Variants in FUT8 observed in about 807,000 individuals in gnomAD.
FUT8 encodes the protein fucosyltransferase 8, also known as alpha-(1,6)-fucosyltransferase.
FUT8 carries 29 observed loss-of-function variants against 71.3 expected under a neutral mutation model. The observed-to-expected ratio is 0.41, with a 90% CI of 0.30 to 0.55. The LOEUF is 0.55. Ranked by LOEUF, FUT8 falls within the 20% of genes least tolerant of loss-of-function variation. The pLI, the probability that FUT8 is intolerant of heterozygous loss-of-function variation, is 0.34. For synonymous variants in FUT8, 254 were observed against 239.3 expected (o/e 1.06, Z -0.57); for missense variants, 544 against 702.1 (o/e 0.77, Z 2.55).
chr14:65,370,856 G>A, the FUT8 span, among the ~76,000 whole-genome samples: 1 of 152,166 alleles, frequency 6.6e-6, no homozygotes, highest in South Asian at 2.1e-4. Context: ...AAAGTGGGTG[G>A]CTAAAACTTG....
Position 65,669,480 on chromosome 14 carries a change from G to T in FUT8, c.835G>T (p.Gly279Cys). ...TGGCATCTCCACTGGACACTGGTCA[G>T]GTAAGGAGCTTGTGCAGCATATGAG... ...RSGISTGHWS[G>C]EVKDKNVQVV... The change falls in exon 7 of 11, where the codon GGT becomes TGT. Residue 279 changes from glycine to cysteine, a missense_variant and splice_region_variant. Gly to Cys is a radical substitution (Grantham distance 159, BLOSUM62 -3). Coordinates refer to ENST00000673929, the MANE Select transcript of FUT8 (RefSeq NM_001371533.1). This position sits in a 1 kb window ranked among gnomAD's most constrained non-coding sequence, Gnocchi z 4.5. 1 of 1,604,326 alleles carries T rather than the reference G, an allele frequency of 6.2e-7. No individual in the cohort carries two copies.
the FUT8 span, among the ~76,000 whole-genome samples, chr14:65,389,521 C>T: frequency 1.3e-5 from 2 of 152,192 alleles, no homozygotes; most frequent in African/African-American, 4.8e-5. Flanking sequence ...CCATATTGGC[C>T]AGGCTGGTCT....
In FUT8 at chr14:65,643,465, T is replaced by C. The variant is rs1397563617; in HGVS notation, c.597+13859T>C. Among the ~76,000 whole-genome samples the C allele has an allele frequency of 2.0e-5, 3 of 151,994 alleles. No individual in the cohort carries two copies. Among genetic ancestry groups the C allele is most frequent in the Non-Finnish European group, 2.9e-5 (2 of 67,970 alleles). ...GTCAGGAGATCGAGACCATCCTGGC[T>C]AACATGGTGAAACCCTGTCTCTACT... On this transcript the variant is annotated intron_variant, in intron 6 of 10. Coordinates refer to ENST00000673929, the MANE Select transcript of FUT8 (RefSeq NM_001371533.1). This position sits in a 1 kb window ranked among gnomAD's most constrained non-coding sequence, Gnocchi z 4.5.
chr14:65,528,100 G>A (rs987133523), intron 2 of FUT8, among the ~76,000 whole-genome samples: 1 of 152,244 alleles, frequency 6.6e-6, no homozygotes, highest in African/African-American at 2.4e-5. Flanking sequence ...ATTTAAATCT[G>A]CAGAAGTTTC....
chr14:65,680,874 C>T (rs2140407784), intron 7 of FUT8, among the ~76,000 whole-genome samples: 1 of 152,272 alleles, frequency 6.6e-6, no homozygotes, highest in Admixed American at 6.5e-5. Flanking sequence ...ATATAAGCTC[C>T]TTCACATAAA....
intron 1 of FUT8, among the ~76,000 whole-genome samples, chr14:65,431,249 T>G (rs4456409): frequency 2.1e-5 from 3 of 143,680 alleles, no homozygotes; most frequent in Non-Finnish European, 4.5e-5. Context: ...TGATCCACCC[T>G]CCTCGGCCTC....
chr14:65,551,060 T>A (rs1473145211), intron 2 of FUT8, among the ~76,000 whole-genome samples: 2 of 152,200 alleles, frequency 1.3e-5, no homozygotes, highest in East Asian at 3.8e-4. Flanking sequence ...TTGCATAGGG[T>A]ACACATATTT....
chr14:65,611,261 A>ACCCCAAGTAATAGCCTTGATTTTG lies in FUT8; in HGVS notation c.204-4716_204-4715insCCCAAGTAATAGCCTTGATTTTGC, dbSNP rs1566851254. The stretch of plus-strand genomic sequence containing the variant: ...CACACACACACACACACACACACAC[A>ACCCCAAGTAATAGCCTTGATTTTG]CACACACACACACACACACACACAC... On this transcript the variant is annotated intron_variant, in intron 3 of 10. Coordinates refer to ENST00000673929, the MANE Select transcript of FUT8 (RefSeq NM_001371533.1). Among the ~76,000 whole-genome samples the ACCCCAAGTAATAGCCTTGATTTTG allele has an allele frequency of 3.2e-4, 23 of 72,890 alleles. 2 individuals are homozygous for ACCCCAAGTAATAGCCTTGATTTTG. Among genetic ancestry groups the ACCCCAAGTAATAGCCTTGATTTTG allele is most frequent in the African/African-American group, 2.1e-3 (21 of 9,848 alleles). The allele number at this position is 72,890 out of a possible 152,430, so 47.8% of individuals were successfully genotyped here. A position where few individuals can be genotyped will look rare whatever the true frequency, so the allele number is the denominator to read the frequency against.
At chr14:65,677,145 T>TGC (rs1320791083) in intron 7 of FUT8, among the ~76,000 whole-genome samples, 10 of 109,224 alleles carry the variant, frequency 9.2e-5, no homozygotes, top group Admixed American at 4.9e-4. Context: ...TGTGTGTGTG[T>TGC]GTGTGTGCGC....
At chr14:65,645,599 C>T (rs145076306) in intron 6 of FUT8, among the ~76,000 whole-genome samples, 88 of 152,156 alleles carry the variant, frequency 5.8e-4, no homozygotes, top group African/African-American at 2.0e-3. Flanking sequence ...AAGCTTGTGC[C>T]GTTTAGACAG....
chr14:65,561,772 T>C lies in FUT8; in HGVS notation c.203+6T>C. 2 of 1,608,502 alleles carry C rather than the reference T, an allele frequency of 1.2e-6. No individual in the cohort carries two copies. The highest frequency in any genetic ancestry group is 2.2e-5 in the East Asian group (1 of 44,804). ...CGAATGGCCGAATCTCTCCGGTAGGTCCTAAAATACTGAATGAAGAATGAT... is the reference window on the plus strand; with the variant it reads ...CGAATGGCCGAATCTCTCCGGTAGGCCCTAAAATACTGAATGAAGAATGAT... On this transcript the variant is annotated splice_donor_region_variant and intron_variant, in intron 3 of 10. Transcript: ENST00000673929.
At chr14:65,432,502 G>T (rs1214346090) in intron 1 of FUT8, among the ~76,000 whole-genome samples, 1 of 151,750 alleles carries the variant, frequency 6.6e-6, no homozygotes, top group Admixed American at 6.6e-5. Flanking sequence ...ACTATCAGAG[G>T]CCTGTGAACC....
intron 2 of FUT8, among the ~76,000 whole-genome samples, chr14:65,503,585 C>G (rs2066680566): frequency 6.6e-6 from 1 of 152,194 alleles, no homozygotes. Flanking sequence ...TCTGCTAACA[C>G]AAATAGAAAG....
chr14:65,721,574 T>G (rs1019760162), intron 7 of FUT8, among the ~76,000 whole-genome samples: 3 of 152,236 alleles, frequency 2.0e-5, no homozygotes, highest in African/African-American at 7.2e-5. Flanking sequence ...ACTTGAGAGA[T>G]AGACTAACCT....
chr14:65,385,289 TTCCATA>T, the FUT8 span, among the ~76,000 whole-genome samples: 1 of 152,146 alleles, frequency 6.6e-6, no homozygotes, highest in Non-Finnish European at 1.5e-5. Flanking sequence ...CACTAGCTTT[TTCCATA>T]TCCGAAGTGT....
At position 65,616,213 on chromosome 14, in the gene FUT8, C is replaced by G; in HGVS notation, c.322C>G (p.Leu108Val). The stretch of plus-strand genomic sequence containing the variant: ...AACTCTCTATTCTTTGACTACAGGT[C>G]TGGGGAAGGATCATGAAATCCTGAG... ...ENYKKQTRNG[L>V]GKDHEILRRR... The change falls in exon 5 of 11, where the codon CTG becomes GTG. Residue 108 changes from leucine to valine, a missense_variant and splice_region_variant. Physicochemically the swap from Leu to Val is conservative, Grantham distance 32. Coordinates refer to ENST00000673929, the MANE Select transcript of FUT8 (RefSeq NM_001371533.1). The G allele has an allele frequency of 4.4e-6, 7 of 1,603,396 alleles. No individual in the cohort carries two copies. The highest frequency in any genetic ancestry group is 6.0e-6 in the Non-Finnish European group (7 of 1,175,432).
chr14:65,506,657 C>T (rs1258337908), intron 2 of FUT8, among the ~76,000 whole-genome samples: 1 of 151,938 alleles, frequency 6.6e-6, no homozygotes, highest in Non-Finnish European at 1.5e-5. Flanking sequence ...TTCGCGGGTA[C>T]ATAGTAGGTA....
At position 65,413,223 on chromosome 14, in the gene FUT8, G is replaced by T. The variant is rs1299160377; in HGVS notation, c.-326+9G>T. 1 of 152,726 alleles carries T rather than the reference G, an allele frequency of 6.5e-6. No individual in the cohort carries two copies. The highest frequency in any genetic ancestry group is 6.5e-5 in the Admixed American group (1 of 15,294). 9.5% of individuals were successfully genotyped at this position (152,726 alleles called of 1,614,324 possible). Reference sequence around the variant, plus strand: ...CTCTGCTCCCGCCTGGGGTAAGGGGGCGTTTTGGGAGCCGGGCCCCGCGCG... The same window carrying T: ...CTCTGCTCCCGCCTGGGGTAAGGGGTCGTTTTGGGAGCCGGGCCCCGCGCG... On this transcript the variant is annotated intron_variant, in intron 1 of 10. Coordinates refer to ENST00000673929, the MANE Select transcript of FUT8 (RefSeq NM_001371533.1). This position sits in a 1 kb window ranked among gnomAD's most constrained non-coding sequence, Gnocchi z 4.1.
At chr14:65,711,500 C>T (rs1894810348) in intron 7 of FUT8, among the ~76,000 whole-genome samples, 1 of 151,906 alleles carries the variant, frequency 6.6e-6, no homozygotes, top group African/African-American at 2.4e-5. Flanking sequence ...TTTTTTATAA[C>T]AAAAAAATTC....
Sources: gnomAD v4.1 joint callset for allele counts (sites outside exome capture counted in the v4.1 genomes callset) on GRCh38, gnomAD v4.1.1 for gene constraint, Gnocchi (gnomAD v3.1) non-coding constraint, MANE v1.5 for transcripts, NCBI Gene and HGNC (gene_info 2026-07-23, HGNC 2026-07-21) for gene names.